Variants in PRDM15 observed in about 807,000 individuals in gnomAD.
PRDM15 encodes the protein PR domain zinc finger protein 15.
Under a neutral mutation model 128.6 loss-of-function variants are expected in PRDM15, and 64 were observed. The ratio of observed to expected loss-of-function variants is 0.50; its 90% CI spans 0.41 to 0.61. PRDM15 has a LOEUF of 0.61. Ranked by LOEUF, PRDM15 falls within the 20% of genes least tolerant of loss-of-function variation. The pLI is 0.00. For synonymous variants in PRDM15, 615 were observed against 621.8 expected, an observed-to-expected ratio of 0.99 and a Z score of 0.16; for missense variants, 1,242 against 1,569.1, an observed-to-expected ratio of 0.79 and a Z score of 3.52.
At chr21:41,835,938 T>TCCTCCCTCCCCCACA (rs2146574810) in intron 10 of PRDM15, among the ~76,000 whole-genome samples, 175 bp downstream of exon 10, 1 of 25,954 alleles carries the variant, frequency 3.9e-5, no homozygotes, top group East Asian at 6.5e-4. Context: ...CCACAGGGTT[T>TCCTCCCTCCCCCACA]GGCCGCTCTC....
chr21:41,838,972 A>G lies in PRDM15; in HGVS notation c.871+651T>C, dbSNP rs550684002. ...TGGCTGAGCATCAGATCTCATCCTC[A>G]CTGTGAGGCCCACGAGGCGTGTGCT... On this transcript the variant is annotated intron_variant, in intron 7 of 23. Transcript: ENST00000398548. 5.9e-5 allele frequency among the ~76,000 whole-genome samples: 9 copies of G among 152,348 alleles called. No homozygotes were observed. The East Asian group carries it at 1.7e-3, about 29-fold the overall frequency.
chr21:41,806,015 C>T (rs13049352), intron 21 of PRDM15, among the ~76,000 whole-genome samples: 6,300 of 47,118 alleles, frequency 0.13, 283 homozygotes, highest in Admixed American at 0.25. Context: ...ATCACCACCA[C>T]CATCACCACC....
chr21:41,836,840 T>C lies in PRDM15; in HGVS notation c.1002-191A>G, dbSNP rs563076178. On this transcript the variant is annotated intron_variant, in intron 8 of 23. Transcript: ENST00000398548. Reference sequence around the variant, plus strand: ...TGAAAGGGACACCTTGAATATATAATGACATTAGGCAGCTTTAGCTGCAAC... The same window carrying C: ...TGAAAGGGACACCTTGAATATATAACGACATTAGGCAGCTTTAGCTGCAAC... 1.0e-5 allele frequency: 5 copies of C among 497,368 alleles called. No individual in the cohort carries two copies. In the East Asian group the frequency reaches 1.3e-4, roughly 13 times the overall value. The allele number at this position is 497,368 out of a possible 1,614,324, so 30.8% of individuals were successfully genotyped here.
At chr21:41,803,121 TAA>T in intron 22 of PRDM15, 200 bp from the exon 23 acceptor site, 2 of 515,786 alleles carry the variant, frequency 3.9e-6, no homozygotes, top group Non-Finnish European at 7.0e-6. Context: ...GTTGCAGATT[TAA>T]AAAAAAAATA....
chr21:41,856,851 G>A (rs981404017), intron 4 of PRDM15, among the ~76,000 whole-genome samples: 1 of 152,188 alleles, frequency 6.6e-6, no homozygotes, highest in African/African-American at 2.4e-5. Context: ...ATGGGCCCCT[G>A]CAAGACGCTG....
In PRDM15 at chr21:41,869,462, A is replaced by T. The variant is rs950348302; in HGVS notation, c.-9-9090T>A. 8.1e-5 allele frequency among the ~76,000 whole-genome samples: 11 copies of T among 135,412 alleles called. 1 individual carries two copies. Among genetic ancestry groups the T allele is most frequent in the East Asian group, 4.2e-4 (2 of 4,716 alleles). The allele number at this position is 135,412 out of a possible 152,430, so 88.8% of individuals were successfully genotyped here. On this transcript the variant is annotated intron_variant, in intron 1 of 23. Coordinates refer to ENST00000398548, the MANE Select transcript of PRDM15 (RefSeq NM_001040424.3). ...CTATTTTTTTTTTTTTTTTTTTGAG[A>T]CATGGTGGAGTTTCACTGTTATTGC...
chr21:41,828,215 C>T lies in PRDM15; in HGVS notation c.1485G>A (p.Met495Ile). 3 of 1,614,108 alleles carry T rather than the reference C, an allele frequency of 1.9e-6. No homozygotes were observed. The highest frequency in any genetic ancestry group is 2.5e-6 in the Non-Finnish European group (3 of 1,179,984). Residue 495 changes from methionine (M) to isoleucine (I), a missense_variant, in exon 12 of 24, where the codon ATG (methionine) becomes ATA (isoleucine). By Grantham distance (10) the Met-to-Ile change is conservative. Transcript: ENST00000398548. The surrounding 1 kb of genome is among the most constrained non-coding windows in gnomAD (Gnocchi z 5.7). ...CCAGCATGACGTCCTTGCGGTAGAACATCTTGCTGCAGACCTCACAGGCAA... is the reference window on the plus strand; with the variant it reads ...CCAGCATGACGTCCTTGCGGTAGAATATCTTGCTGCAGACCTCACAGGCAA... ...KKFACEVCSK[M>I]FYRKDVMLDH...
In PRDM15 at chr21:41,854,010, C is replaced by A. The variant is rs1220621041; in HGVS notation, c.538+556G>T. Among the ~76,000 whole-genome samples the A allele has an allele frequency of 6.6e-6, 1 of 152,334 alleles. No homozygotes were observed. Among genetic ancestry groups the A allele is most frequent in the East Asian group, 1.9e-4 (1 of 5,186 alleles). On this transcript the variant is annotated intron_variant, in intron 5 of 23. Coordinates refer to ENST00000398548, the MANE Select transcript of PRDM15 (RefSeq NM_001040424.3). This position sits in a 1 kb window ranked among gnomAD's most constrained non-coding sequence, Gnocchi z 4.6. ...GGATGGGTCACTCACTGCACGTAGC[C>A]CCCAGGGCAGAGCTAAGCAGTCATG...
chr21:41,845,342 C>A (rs1179519148), intron 6 of PRDM15, among the ~76,000 whole-genome samples: 1 of 144,814 alleles, frequency 6.9e-6, no homozygotes, highest in Non-Finnish European at 1.5e-5. Flanking sequence ...CACACAGCCC[C>A]TCCCCGTTCA....
intron 19 of PRDM15, chr21:41,814,973 C>T (rs2061999163): frequency 7.4e-6 from 1 of 135,660 alleles, no homozygotes. Context: ...ATGAGAACGA[C>T]TTGTGTTAGT....
chr21:41,825,024 C>A (rs529627298), intron 13 of PRDM15, among the ~76,000 whole-genome samples: 1 of 152,290 alleles, frequency 6.6e-6, no homozygotes, highest in African/African-American at 2.4e-5. Context: ...GGCACCCTCC[C>A]CTCGGCGGCT....
At position 41,818,777 on chromosome 21, in the gene PRDM15, T is replaced by TA. The variant is rs968322016; in HGVS notation, c.2260+804dup. Among the ~76,000 whole-genome samples the TA allele has an allele frequency of 1.6e-3, 241 of 150,846 alleles. 5 individuals are homozygous for TA. In the East Asian group the frequency reaches 0.034, roughly 21 times the overall value. On this transcript the variant is annotated intron_variant, in intron 18 of 23. Transcript: ENST00000398548. ...CTCCAAAACTTTTAGGAAGTTGTTT[T>TA]AAAAAAAAAATAAAAACAGGAATGG...
chr21:41,854,914 G>T lies in PRDM15; in HGVS notation c.286-96C>A. 2.1e-6 allele frequency: 3 copies of T among 1,396,624 alleles called. No individual in the cohort carries two copies. The highest frequency in any genetic ancestry group is 2.4e-5 in the East Asian group (1 of 41,708). 86.5% of individuals were successfully genotyped at this position (1,396,624 alleles called of 1,614,324 possible). ...GGGCAGGTGCTGAGGAACCCATCTA[G>T]ACAGTGCCACGTCAGAGGCCATAAG... On this transcript the variant is annotated intron_variant, in intron 4 of 23. Transcript: ENST00000398548. This position sits in a 1 kb window ranked among gnomAD's most constrained non-coding sequence, Gnocchi z 4.6.
intron 18 of PRDM15, among the ~76,000 whole-genome samples, chr21:41,818,690 A>G (rs1414637167): frequency 5.9e-5 from 9 of 152,222 alleles, no homozygotes; most frequent in African/African-American, 1.9e-4. Flanking sequence ...TGTGTTTCCA[A>G]CACACTGTCA....
rs1246023680 is a variant in PRDM15, at chr21:41,810,650, C to T, written c.2476+103G>A. The T allele has an allele frequency of 1.7e-5, 16 of 941,654 alleles. No individual in the cohort carries two copies. Among genetic ancestry groups the T allele is most frequent in the Non-Finnish European group, 2.7e-5 (16 of 586,802 alleles). The allele number at this position is 941,654 out of a possible 1,614,324, so 58.3% of individuals were successfully genotyped here. On this transcript the variant is annotated intron_variant, in intron 20 of 23. Transcript: ENST00000398548. This position sits in a 1 kb window ranked among gnomAD's most constrained non-coding sequence, Gnocchi z 6.4. ...AAGACAACACTAAATGTGCTGGAAC[C>T]GTCTAGATAATAGAATAGTCGTTTC...
intron 21 of PRDM15, among the ~76,000 whole-genome samples, chr21:41,806,018 TCACCACCACCACCATCAC>T (rs1568879754): frequency 7.5e-5 from 2 of 26,734 alleles, no homozygotes; most frequent in Non-Finnish European, 1.4e-4. Context: ...ACCACCACCA[TCACCACCACCACCATCAC>T]CACCACCATC....
intron 10 of PRDM15, 104 bp downstream of exon 10, chr21:41,835,980 TCCCTCCCCCACAGCCCCCGCCCACTCTCC>T (rs1568954550): frequency 1.6e-5 from 3 of 187,062 alleles, no homozygotes; most frequent in Non-Finnish European, 3.2e-5. Context: ...CCCACTCTCC[TCCCTCCCCCACAGCCCCCGCCCACTCTCC>T]TCCCTCCTGG....
chr21:41,823,076 G>T, intron 14 of PRDM15: 1 of 496,534 alleles, frequency 2.0e-6, no homozygotes, highest in Non-Finnish European at 3.7e-6. Context: ...TTATAGAAGA[G>T]ATCCCTACCC....
intron 22 of PRDM15, 40 bp from the exon 23 acceptor site, chr21:41,802,961 G>A (rs908417905): frequency 5.7e-5 from 89 of 1,556,162 alleles, no homozygotes; most frequent in Middle Eastern, 1.8e-4. Flanking sequence ...CAGGTTAGTC[G>A]GTCACGTCAG....
Sources: allele counts gnomAD v4.1 joint callset (sites outside exome capture counted in the v4.1 genomes callset), GRCh38; gene constraint gnomAD v4.1.1; non-coding constraint Gnocchi (gnomAD v3.1); transcripts MANE v1.5; gene names NCBI Gene and HGNC (gene_info 2026-07-23, HGNC 2026-07-21).